SCFD2: variants seen among roughly 807,000 people sequenced by gnomAD.
SCFD2 encodes sec1 family domain-containing protein 2.
SCFD2 carries 54 observed loss-of-function variants against 58.9 expected under a neutral mutation model. That is an observed-to-expected ratio of 0.92 (90% CI 0.74 to 1.15). The LOEUF is 1.15. Among genes scored for constraint, SCFD2 ranks in the 50% most tolerant of loss-of-function variants. The pLI is 0.00. For missense variants in SCFD2, 805 were observed against 836.6 expected, an observed-to-expected ratio of 0.96 and a Z score of 0.47; for synonymous variants, 321 against 335.9, an observed-to-expected ratio of 0.96 and a Z score of 0.49.
chr4:53,208,772 G>A (rs1274202561), intron 4 of SCFD2, among the ~76,000 whole-genome samples: 4 of 152,172 alleles, frequency 2.6e-5, no homozygotes, highest in Admixed American at 2.0e-4. Flanking sequence ...TTAAAAGTAC[G>A]TCTCACATTA....
intron 5 of SCFD2, among the ~76,000 whole-genome samples, chr4:53,040,036 G>T (rs1722856023): frequency 6.6e-6 from 1 of 152,164 alleles, no homozygotes; most frequent in Admixed American, 6.6e-5. Context: ...CTGTTAGAGG[G>T]CAGTGGCTTC....
intron 5 of SCFD2, among the ~76,000 whole-genome samples, chr4:53,098,845 A>G (rs944527541): frequency 2.0e-5 from 3 of 151,908 alleles, no homozygotes; most frequent in African/African-American, 4.8e-5. Flanking sequence ...CCACTATATG[A>G]TTATTTTTTT....
chr4:53,339,453 A>C (rs1733792701), intron 2 of SCFD2, among the ~76,000 whole-genome samples: 1 of 151,902 alleles, frequency 6.6e-6, no homozygotes, highest in East Asian at 1.9e-4. Flanking sequence ...TACTGAAAAA[A>C]CAATATAAAA....
chr4:53,249,896 C>G (rs549788917), intron 4 of SCFD2, among the ~76,000 whole-genome samples: 1 of 152,116 alleles, frequency 6.6e-6, no homozygotes, highest in Admixed American at 6.6e-5. Flanking sequence ...CATCAACTAA[C>G]GAGCAAAATA....
At chr4:52,883,826 G>T (rs1345441116) in intron 8 of SCFD2, among the ~76,000 whole-genome samples, 1 of 152,158 alleles carries the variant, frequency 6.6e-6, no homozygotes, top group African/African-American at 2.4e-5. Context: ...AAATTTATCA[G>T]AAATCTCATC....
intron 3 of SCFD2, among the ~76,000 whole-genome samples, chr4:53,283,807 A>T (rs2149079446): frequency 6.6e-6 from 1 of 152,028 alleles, no homozygotes; most frequent in East Asian, 1.9e-4. Flanking sequence ...CTTTACCGTA[A>T]CGTAACATAA....
At chr4:53,339,997 G>T (rs1172288352) in intron 2 of SCFD2, among the ~76,000 whole-genome samples, 3 of 152,112 alleles carry the variant, frequency 2.0e-5, no homozygotes, top group African/African-American at 7.2e-5. Flanking sequence ...GTTCCAAGAT[G>T]ACCGAATAGG....
chr4:52,893,390 T>C (rs1226873766), intron 7 of SCFD2, among the ~76,000 whole-genome samples: 2 of 152,168 alleles, frequency 1.3e-5, no homozygotes, highest in Admixed American at 6.5e-5. Context: ...ATATGAACAA[T>C]GTGGAATGGG....
At chr4:53,251,553 T>A (rs1730381111) in intron 4 of SCFD2, among the ~76,000 whole-genome samples, 1 of 152,190 alleles carries the variant, frequency 6.6e-6, no homozygotes, top group African/African-American at 2.4e-5. Flanking sequence ...ATGGGCTTCA[T>A]CCCTGGGATG....
intron 5 of SCFD2, among the ~76,000 whole-genome samples, chr4:53,003,340 C>T (rs1215019395): frequency 6.6e-6 from 1 of 152,184 alleles, no homozygotes; most frequent in Non-Finnish European, 1.5e-5. Context: ...AATCAGTAGC[C>T]ACATGTAGCT....
At chr4:52,874,907 T>A (rs1718435672) in intron 8 of SCFD2, among the ~76,000 whole-genome samples, 3 of 152,198 alleles carry the variant, frequency 2.0e-5, no homozygotes, top group Admixed American at 2.0e-4. Context: ...TTTCAACTCA[T>A]AACGATGATG....
At chr4:53,335,776 T>C (rs1733666129) in intron 2 of SCFD2, among the ~76,000 whole-genome samples, 1 of 152,172 alleles carries the variant, frequency 6.6e-6, no homozygotes. Flanking sequence ...AATATAAAAG[T>C]TGAGTATGTG....
chr4:52,948,543 C>G, intron 5 of SCFD2: 1 of 456,442 alleles, frequency 2.2e-6, no homozygotes, highest in Non-Finnish European at 4.4e-6. Flanking sequence ...CTGTACAGAA[C>G]TAAACAAATG....
intron 2 of SCFD2, among the ~76,000 whole-genome samples, chr4:53,321,634 G>A (rs1447623339): frequency 1.3e-5 from 2 of 152,168 alleles, no homozygotes; most frequent in African/African-American, 4.8e-5. Context: ...TTTCACAGCA[G>A]GGAATAATGG....
intron 5 of SCFD2, among the ~76,000 whole-genome samples, chr4:53,017,939 T>C (rs1384398702): frequency 6.6e-6 from 1 of 152,234 alleles, no homozygotes; most frequent in Non-Finnish European, 1.5e-5. Flanking sequence ...AATGGCTCCT[T>C]AAAGTAGGGC....
chr4:53,306,922 G>A (rs1489574001), intron 3 of SCFD2, among the ~76,000 whole-genome samples: 6 of 152,226 alleles, frequency 3.9e-5, no homozygotes, highest in African/African-American at 1.2e-4. Context: ...ATTGGAAGAT[G>A]AGTGGTTATA....
intron 5 of SCFD2, among the ~76,000 whole-genome samples, chr4:52,935,285 A>G (rs1054178080): frequency 1.3e-5 from 2 of 152,224 alleles, no homozygotes; most frequent in Non-Finnish European, 2.9e-5. Flanking sequence ...TTTCCACTTT[A>G]CATGCTTCTG....
intron 5 of SCFD2, among the ~76,000 whole-genome samples, chr4:53,017,472 G>A (rs1180141652): frequency 1.3e-5 from 2 of 152,274 alleles, no homozygotes; most frequent in East Asian, 3.9e-4. Flanking sequence ...TGCAATACAG[G>A]TTTTATAAAC....
At chr4:53,215,823 A>G (rs2148987845) in intron 4 of SCFD2, among the ~76,000 whole-genome samples, 1 of 152,222 alleles carries the variant, frequency 6.6e-6, no homozygotes, top group Middle Eastern at 3.4e-3. Context: ...ACGTCCCATC[A>G]ATACTTAATT....
Sources: allele counts gnomAD v4.1 joint callset (sites outside exome capture counted in the v4.1 genomes callset), GRCh38; gene constraint gnomAD v4.1.1; transcripts MANE v1.5; gene names NCBI Gene and HGNC (gene_info 2026-07-23, HGNC 2026-07-21).